Variants in SMYD1 observed in about 807,000 individuals in gnomAD.
SMYD1 encodes the protein SET and MYND domain containing 1, also known as histone-lysine N-methyltransferase SMYD1.
SMYD1 carries 49 observed loss-of-function variants against 54.0 expected under a neutral mutation model. The ratio of observed to expected loss-of-function variants is 0.91; its 90% CI spans 0.72 to 1.15. The LOEUF (loss-of-function observed/expected upper bound fraction) is 1.15, where lower values mean the gene tolerates loss of function less well. SMYD1 is among the 50% of genes most tolerant of loss of function. SMYD1 has a pLI of 0.00. For missense variants in SMYD1, 653 were observed against 639.6 expected, an observed-to-expected ratio of 1.02 and a Z score of -0.23; for synonymous variants, 269 against 234.2, an observed-to-expected ratio of 1.15 and a Z score of -1.36.
rs1281556131 is a variant in SMYD1, at chr2:88,112,666, C to T, written c.*2154C>T. 1 of 155,446 alleles carries T rather than the reference C, an allele frequency of 6.4e-6. No individual in the cohort carries two copies. Among genetic ancestry groups the T allele is most frequent in the African/African-American group, 2.4e-5 (1 of 41,472 alleles). 9.6% of individuals were successfully genotyped at this position (155,446 alleles called of 1,614,324 possible). A position where few individuals can be genotyped will look rare whatever the true frequency, so the allele number is the denominator to read the frequency against. On this transcript the variant is annotated 3_prime_UTR_variant, in exon 10 of 10. Coordinates refer to ENST00000419482, the MANE Select transcript of SMYD1 (RefSeq NM_198274.4). ...ATTGACTTCCACTCCCACTCCTTCACTAAAAGGGCTCTTACCAAGATCAAA... is the reference window on the plus strand; with the variant it reads ...ATTGACTTCCACTCCCACTCCTTCATTAAAAGGGCTCTTACCAAGATCAAA...
intron 8 of SMYD1, among the ~76,000 whole-genome samples, chr2:88,108,094 A>G (rs941712890): frequency 2.6e-5 from 4 of 152,240 alleles, no homozygotes; most frequent in Admixed American, 6.5e-5. Flanking sequence ...AGAGTCCCCA[A>G]GCTCAGAAAG....
intron 1 of SMYD1, among the ~76,000 whole-genome samples, chr2:88,068,685 A>G (rs966337191): frequency 1.3e-5 from 2 of 151,766 alleles, no homozygotes; most frequent in African/African-American, 4.8e-5. Context: ...TCCCTAAACA[A>G]CACGTTTTTG....
chr2:88,098,014 T>C (rs1674633012), intron 6 of SMYD1, among the ~76,000 whole-genome samples: 1 of 152,122 alleles, frequency 6.6e-6, no homozygotes, highest in African/African-American at 2.4e-5. Flanking sequence ...TTCTAGGACA[T>C]GTATATTGGA....
At chr2:88,068,830 T>C (rs918616666) in intron 1 of SMYD1, among the ~76,000 whole-genome samples, 2 of 152,240 alleles carry the variant, frequency 1.3e-5, no homozygotes, top group Non-Finnish European at 2.9e-5. Context: ...TATTTCATCC[T>C]ATAAATATAT....
At chr2:88,084,215 A>G in intron 1 of SMYD1, 101 bp from the exon 2 acceptor site, 1 of 982,808 alleles carries the variant, frequency 1.0e-6, no homozygotes, top group Non-Finnish European at 1.4e-6. Flanking sequence ...ATAAATAAGG[A>G]CCAGCCAGCT....
chr2:88,091,106 G>A lies in SMYD1; in HGVS notation c.623G>A (p.Cys208Tyr), dbSNP rs1275732947. The A allele has an allele frequency of 6.2e-7, 1 of 1,614,042 alleles. No individual in the cohort carries two copies. Among genetic ancestry groups the A allele is most frequent in the African/African-American group, 1.3e-5 (1 of 74,912 alleles). ...AACCTGGGCCTGGTGAACCATGACT[G>A]TTGGCCCAACTGTACTGTCATATTT... ...FPNLGLVNHD[C>Y]WPNCTVIFNN... Residue 208 changes from cysteine (C) to tyrosine (Y), a missense_variant, in exon 4 of 10, where the codon TGT becomes TAT. By Grantham distance (194) the Cys-to-Tyr change is radical (BLOSUM62 -2). Transcript: ENST00000419482.
At chr2:88,086,066 C>A (rs1674316208) in intron 2 of SMYD1, among the ~76,000 whole-genome samples, 1 of 152,126 alleles carries the variant, frequency 6.6e-6, no homozygotes, top group Admixed American at 6.5e-5. Context: ...TAGGTGATAG[C>A]ATTGTATATA....
At chr2:88,103,308 T>A (rs2104011216) in intron 7 of SMYD1, among the ~76,000 whole-genome samples, 158 bp downstream of exon 7, 1 of 152,174 alleles carries the variant, frequency 6.6e-6, no homozygotes, top group East Asian at 1.9e-4. Flanking sequence ...TCATGACTCT[T>A]CTTGTCCGTA....
rs1367288676 is a variant in SMYD1 at position 88,087,909 on chromosome 2, T to A, written c.362T>A (p.Leu121His). 2 of 1,611,116 alleles carry A rather than the reference T, an allele frequency of 1.2e-6. No homozygotes were observed. The highest frequency in any genetic ancestry group is 1.7e-5 in the Admixed American group (1 of 59,886). The change falls in exon 3 of 10, where the codon CTC becomes CAC. Residue 121 changes from leucine (L) to histidine (H), a missense_variant. Leu to His is a moderately conservative substitution (Grantham distance 99, BLOSUM62 -3). Transcript: ENST00000419482. ...MWRVEREGTG[L>H]TEGCLVSVDD... is the part of the protein sequence containing the mutation. ...CGGGTGGAGAGAGAAGGCACCGGGC[T>A]CACGGAGGGCTGCCTGGTGTCCGTG... is the stretch of plus-strand genomic sequence containing the variant.
In SMYD1 at chr2:88,067,973, C is replaced by A. The variant is rs186217134; in HGVS notation, c.109C>A (p.Arg37=). The part of the protein sequence containing the change: ...FWAADIIFAE[R]AYSAVVFDSL... ...GGCTGCAGATATCATCTTTGCTGAGCGGGCTTATTCCGCAGTGGTTTTTGA... is the reference window on the plus strand; with the variant it reads ...GGCTGCAGATATCATCTTTGCTGAGAGGGCTTATTCCGCAGTGGTTTTTGA... Residue 37 remains arginine, a synonymous_variant, in exon 1 of 10, where the codon CGG becomes AGG. Transcript: ENST00000419482. 1.2e-6 allele frequency: 2 copies of A among 1,613,662 alleles called. No individual in the cohort carries two copies. The highest frequency in any genetic ancestry group is 1.7e-6 in the Non-Finnish European group (2 of 1,180,002).
intron 3 of SMYD1, among the ~76,000 whole-genome samples, chr2:88,089,651 G>A (rs567958306): frequency 6.9e-6 from 1 of 144,716 alleles, no homozygotes; most frequent in Admixed American, 7.1e-5. Flanking sequence ...GGAGTGCAGT[G>A]GTGCAATCAT....
intron 6 of SMYD1, among the ~76,000 whole-genome samples, chr2:88,100,556 A>G (rs1392592520): frequency 6.6e-6 from 1 of 152,174 alleles, no homozygotes; most frequent in African/African-American, 2.4e-5. Context: ...ATAACTAGAA[A>G]TGTAGGTTTG....
At chr2:88,099,728 A>T (rs571303471) in intron 6 of SMYD1, among the ~76,000 whole-genome samples, 2 of 152,094 alleles carry the variant, frequency 1.3e-5, no homozygotes, top group Non-Finnish European at 2.9e-5. Context: ...ATCTCAAAAA[A>T]AAAAAGAAGA....
intron 1 of SMYD1, among the ~76,000 whole-genome samples, chr2:88,068,230 C>T (rs1673873904): frequency 1.3e-5 from 2 of 152,102 alleles, no homozygotes; most frequent in Admixed American, 6.6e-5. Flanking sequence ...TGAGCAAAGG[C>T]TTCGGGGGCA....
At chr2:88,084,019 G>C (rs1219348987) in intron 1 of SMYD1, among the ~76,000 whole-genome samples, 1 of 152,182 alleles carries the variant, frequency 6.6e-6, no homozygotes, top group Non-Finnish European at 1.5e-5. Flanking sequence ...GCTTGAACCT[G>C]GGAGGCGGAG....
chr2:88,097,803 G>GCACA lies in SMYD1; in HGVS notation c.888+1036_888+1039dup, dbSNP rs3028133. On this transcript the variant is annotated intron_variant, in intron 6 of 9. Coordinates refer to ENST00000419482, the MANE Select transcript of SMYD1 (RefSeq NM_198274.4). ...TGCTACCATTTATGAACATTAAAAGGCACACACACACACACACACATGCAC... is the reference window on the plus strand; with the variant it reads ...TGCTACCATTTATGAACATTAAAAGGCACACACACACACACACACACACATGCAC... Among the ~76,000 whole-genome samples, 1,359 of 149,888 alleles carry GCACA rather than the reference G, an allele frequency of 9.1e-3. 12 individuals carry two copies. The highest frequency in any genetic ancestry group is 0.023 in the African/African-American group (928 of 40,680).
chr2:88,068,486 G>A (rs1673879035), intron 1 of SMYD1, among the ~76,000 whole-genome samples: 1 of 151,960 alleles, frequency 6.6e-6, no homozygotes, highest in Non-Finnish European at 1.5e-5. Context: ...CCCAATCCCA[G>A]TCCCCTCTGT....
At chr2:88,082,215 C>G (rs1674214696) in intron 1 of SMYD1, among the ~76,000 whole-genome samples, 1 of 152,152 alleles carries the variant, frequency 6.6e-6, no homozygotes, top group Non-Finnish European at 1.5e-5. Context: ...AATTCTACTC[C>G]TTGCTCACTA....
At position 88,067,999 on chromosome 2, in the gene SMYD1, C is replaced by A. The variant is rs754079694; in HGVS notation, c.135C>A (p.Asp45Glu). Reference sequence around the variant, plus strand: ...GGGCTTATTCCGCAGTGGTTTTTGACAGGTATGAAATGTGGGGAGTTGCCT... The same window carrying A: ...GGGCTTATTCCGCAGTGGTTTTTGAAAGGTATGAAATGTGGGGAGTTGCCT... ...AERAYSAVVF[D>E]SLVNFVCHTC... Residue 45 changes from aspartate to glutamate, a missense_variant and splice_region_variant, in exon 1 of 10, where the codon GAC (aspartate) becomes GAA (glutamate). Transcript: ENST00000419482. 1.5e-5 allele frequency: 24 copies of A among 1,613,044 alleles called. No individual in the cohort carries two copies. Among genetic ancestry groups the A allele is most frequent in the Non-Finnish European group, 1.8e-5 (21 of 1,179,822 alleles).
Sources: allele counts gnomAD v4.1 joint callset (sites outside exome capture counted in the v4.1 genomes callset), GRCh38; gene constraint gnomAD v4.1.1; transcripts MANE v1.5; gene names NCBI Gene and HGNC (gene_info 2026-07-23, HGNC 2026-07-21).